SNAP47: variants seen among roughly 807,000 people sequenced by gnomAD.
SNAP47 encodes the protein synaptosomal-associated protein 47.
In SNAP47, 20 loss-of-function variants were observed where a neutral mutation model predicts 31.4. The observed-to-expected ratio is 0.64, with a 90% CI of 0.45 to 0.93. The LOEUF (loss-of-function observed/expected upper bound fraction) is 0.93. Ranked by LOEUF, SNAP47 falls within the 40% of genes least tolerant of loss-of-function variation. The pLI is 0.00. For missense variants in SNAP47, 492 were observed against 528.5 expected, an observed-to-expected ratio of 0.93 and a Z score of 0.68; for synonymous variants, 194 against 213.4, an observed-to-expected ratio of 0.91 and a Z score of 0.79.
At chr1:227,747,570 A>T in intron 1 of SNAP47, 122 bp from the exon 2 acceptor site, 1 of 970,640 alleles carries the variant, frequency 1.0e-6, no homozygotes, top group Non-Finnish European at 1.5e-6. Flanking sequence ...GTGGATCGAG[A>T]GTCAGCCACG....
chr1:227,780,729 G>T lies in SNAP47; in HGVS notation c.*56G>T. Reference sequence around the variant, plus strand: ...CCTGCACATCCCGCTGAGATGGAGGGCTGGGCGGCAGTGCCAGGGCTGCAG... The same window carrying T: ...CCTGCACATCCCGCTGAGATGGAGGTCTGGGCGGCAGTGCCAGGGCTGCAG... On this transcript the variant is annotated 3_prime_UTR_variant, in exon 5 of 5. Transcript: ENST00000617596. 3 of 1,606,154 alleles carry T rather than the reference G, an allele frequency of 1.9e-6. No individual in the cohort carries two copies. The highest frequency in any genetic ancestry group is 2.2e-5 in the South Asian group (2 of 90,222).
chr1:227,765,309 C>T (rs1349232996), intron 3 of SNAP47, among the ~76,000 whole-genome samples: 2 of 152,230 alleles, frequency 1.3e-5, no homozygotes, highest in African/African-American at 4.8e-5. Context: ...GTTTGTGCCC[C>T]TCCATTCCTG....
chr1:227,780,172 A>C (rs1664380971), intron 4 of SNAP47, among the ~76,000 whole-genome samples: 1 of 152,138 alleles, frequency 6.6e-6, no homozygotes, highest in South Asian at 2.1e-4. Flanking sequence ...CAGCTGCCCC[A>C]CTGTGGGCAG....
At chr1:227,761,713 G>T (rs61521615) in intron 3 of SNAP47, among the ~76,000 whole-genome samples, 16,715 of 152,130 alleles carry the variant, frequency 0.11, 1,387 homozygotes, top group East Asian at 0.33. Flanking sequence ...ACTGAAGAGG[G>T]GTCCCTGGGT....
At chr1:227,747,630 G>A in intron 1 of SNAP47, 62 bp from the exon 2 acceptor site, 2 of 1,502,786 alleles carry the variant, frequency 1.3e-6, no homozygotes, top group South Asian at 1.3e-5. Context: ...GCATCCTTGT[G>A]GGGTTGCTTG....
upstream of SNAP47, chr1:227,732,730 C>G: frequency 6.2e-7 from 1 of 1,600,160 alleles, no homozygotes; most frequent in South Asian, 1.1e-5. Flanking sequence ...GTCCAAGCTG[C>G]AAAGGACCCG....
chr1:227,776,427 CAT>C, intron 4 of SNAP47: 1 of 986,558 alleles, frequency 1.0e-6, no homozygotes, highest in Non-Finnish European at 1.2e-6. Flanking sequence ...TTTCTTTACT[CAT>C]GTAGCAGGGA....
chr1:227,765,977 G>A (rs1663369868), intron 3 of SNAP47, among the ~76,000 whole-genome samples: 2 of 152,160 alleles, frequency 1.3e-5, no homozygotes, highest in Admixed American at 6.5e-5. Context: ...GATCATTTAG[G>A]GAGTGATAGG....
intron 3 of SNAP47, among the ~76,000 whole-genome samples, chr1:227,760,388 G>A (rs1436452703): frequency 1.3e-5 from 2 of 152,190 alleles, no homozygotes; most frequent in Non-Finnish European, 2.9e-5. Context: ...GGATCTGTGT[G>A]TTGGAGAACT....
intron 4 of SNAP47, among the ~76,000 whole-genome samples, chr1:227,769,221 G>C (rs1162740622): frequency 1.3e-5 from 2 of 152,164 alleles, no homozygotes; most frequent in Non-Finnish European, 2.9e-5. Context: ...AACACCGGGA[G>C]GAACAGGCTT....
intron 2 of SNAP47, 48 bp from the exon 3 acceptor site, chr1:227,758,947 C>A (rs756110113): frequency 6.5e-7 from 1 of 1,535,540 alleles, no homozygotes. Flanking sequence ...GGTATTACTC[C>A]TTAAAAATGA....
chr1:227,732,199 C>T, upstream of SNAP47: 1 of 639,648 alleles, frequency 1.6e-6, no homozygotes, highest in South Asian at 2.0e-5. Flanking sequence ...AGGGCCACAT[C>T]CCATCTTGGG....
upstream of SNAP47, chr1:227,735,413 C>A (rs764504152): frequency 4.5e-6 from 7 of 1,551,244 alleles, no homozygotes; most frequent in Non-Finnish European, 5.2e-6. Context: ...TGCACGCATG[C>A]GCGCGGCTCG....
rs929519637 is a variant in SNAP47 at position 227,763,984 on chromosome 1, A to G, written c.989-2975A>G. On this transcript the variant is annotated intron_variant, in intron 3 of 4. Transcript: ENST00000617596. The surrounding 1 kb of genome is among the most constrained non-coding windows in gnomAD (Gnocchi z 4.2). ...CACTCTCTTTCCAGATGACCAAGAC[A>G]TTCTGCAGCCAGCAGTGTGCCCTGG... 3.9e-5 allele frequency among the ~76,000 whole-genome samples: 6 copies of G among 152,158 alleles called. No homozygotes were observed. Among genetic ancestry groups the G allele is most frequent in the Admixed American group, 1.3e-4 (2 of 15,288 alleles).
intron 4 of SNAP47, among the ~76,000 whole-genome samples, chr1:227,768,803 C>G (rs1663600970): frequency 6.6e-6 from 1 of 152,202 alleles, no homozygotes; most frequent in Admixed American, 6.5e-5. Flanking sequence ...GATTCTTTCC[C>G]AGCCATCCTC....
In SNAP47 at chr1:227,763,842, G is replaced by A. The variant is rs952662673; in HGVS notation, c.989-3117G>A. ...CCAGGGCTGAGGGAAGGGGCTTGCTGGAGACAGACAGGCTGGTGGCCCAGG... is the reference window on the plus strand; with the variant it reads ...CCAGGGCTGAGGGAAGGGGCTTGCTAGAGACAGACAGGCTGGTGGCCCAGG... On this transcript the variant is annotated intron_variant, in intron 3 of 4. Coordinates refer to ENST00000617596, the MANE Select transcript of SNAP47 (RefSeq NM_053052.4). This position sits in a 1 kb window ranked among gnomAD's most constrained non-coding sequence, Gnocchi z 4.2. Among the ~76,000 whole-genome samples the A allele has an allele frequency of 1.3e-5, 2 of 152,228 alleles. No homozygotes were observed. The highest frequency in any genetic ancestry group is 2.9e-5 in the Non-Finnish European group (2 of 68,032).
intron 4 of SNAP47, among the ~76,000 whole-genome samples, chr1:227,775,581 G>A (rs1209347263): frequency 6.6e-6 from 1 of 152,244 alleles, no homozygotes; most frequent in Non-Finnish European, 1.5e-5. Context: ...GTCTTCCCGG[G>A]CTGCTGGTGG....
At chr1:227,751,044 G>A (rs1359906933) in intron 2 of SNAP47, among the ~76,000 whole-genome samples, 1 of 152,186 alleles carries the variant, frequency 6.6e-6, no homozygotes, top group Non-Finnish European at 1.5e-5. Flanking sequence ...TTCTGGAAAT[G>A]TAGTGGGTGA....
intron 1 of SNAP47, among the ~76,000 whole-genome samples, chr1:227,739,570 C>G (rs1571984460): frequency 6.6e-6 from 1 of 152,164 alleles, no homozygotes; most frequent in South Asian, 2.1e-4. Context: ...CACTTAGCTT[C>G]TTGGTTGCGA....
Sources: allele counts gnomAD v4.1 joint callset (sites outside exome capture counted in the v4.1 genomes callset), GRCh38; gene constraint gnomAD v4.1.1; non-coding constraint Gnocchi (gnomAD v3.1); transcripts MANE v1.5; gene names NCBI Gene and HGNC (gene_info 2026-07-23, HGNC 2026-07-21).